Variants in CA10 observed in about 807,000 individuals in gnomAD.
The protein encoded by CA10 is carbonic anhydrase-related protein 10.
CA10 carries 14 observed loss-of-function variants against 44.2 expected under a neutral mutation model. That is an observed-to-expected ratio of 0.32 (90% CI 0.21 to 0.50). CA10 has a LOEUF of 0.50. Ranked by LOEUF, CA10 falls within the 20% of genes least tolerant of loss-of-function variation. CA10 has a pLI of 0.99. For synonymous variants in CA10, 159 were observed against 141.6 expected (o/e 1.12, Z -0.87); for missense variants, 350 against 409.7 (o/e 0.85, Z 1.26).
At chr17:52,096,124 G>A (rs1988394610) in intron 1 of CA10, among the ~76,000 whole-genome samples, 1 of 152,116 alleles carries the variant, frequency 6.6e-6, no homozygotes, top group Admixed American at 6.6e-5. Flanking sequence ...GAGCTAGAAA[G>A]CATGGGTACT....
chr17:51,929,724 A>C (rs1156488861), intron 3 of CA10, among the ~76,000 whole-genome samples: 2 of 152,218 alleles, frequency 1.3e-5, no homozygotes, highest in African/African-American at 4.8e-5. Context: ...TTAAAGAGAA[A>C]TGTACTTAGA....
intron 1 of CA10, among the ~76,000 whole-genome samples, chr17:52,086,919 T>C (rs777050883): frequency 6.6e-6 from 1 of 152,236 alleles, no homozygotes; most frequent in Non-Finnish European, 1.5e-5. Flanking sequence ...TTTAGGTTTC[T>C]ACCAGATTAT....
chr17:52,098,492 C>T (rs1031356646), intron 1 of CA10, among the ~76,000 whole-genome samples: 6 of 152,138 alleles, frequency 3.9e-5, no homozygotes, highest in Admixed American at 3.9e-4. Flanking sequence ...CAATAACGAC[C>T]CAGCCCAGTG....
intron 2 of CA10, among the ~76,000 whole-genome samples, chr17:52,058,171 C>T (rs545601853): frequency 3.3e-5 from 5 of 152,208 alleles, no homozygotes; most frequent in African/African-American, 7.2e-5. Flanking sequence ...AAGCCTTACA[C>T]GTGCCTCCCT....
At chr17:52,151,223 AT>A (rs566106241) in intron 1 of CA10, among the ~76,000 whole-genome samples, 230 of 152,210 alleles carry the variant, frequency 1.5e-3, no homozygotes, top group African/African-American at 5.0e-3. Context: ...GCCTAAGGTT[AT>A]TTTTGTAACC....
intron 4 of CA10, among the ~76,000 whole-genome samples, chr17:51,683,433 C>T (rs887460942): frequency 2.6e-5 from 4 of 152,090 alleles, no homozygotes; most frequent in Non-Finnish European, 2.9e-5. Flanking sequence ...TCACTTGCTC[C>T]GACTGCTTCC....
At chr17:52,062,222 C>T (rs573946779) in intron 2 of CA10, among the ~76,000 whole-genome samples, 2 of 152,138 alleles carry the variant, frequency 1.3e-5, no homozygotes, top group South Asian at 4.1e-4. Flanking sequence ...CACCCACCAC[C>T]ATCCCTGGCT....
chr17:51,974,605 AAGG>A (rs1374791922), intron 2 of CA10, among the ~76,000 whole-genome samples: 3 of 152,072 alleles, frequency 2.0e-5, no homozygotes, highest in African/African-American at 7.2e-5. Flanking sequence ...GAAATGCTAG[AAGG>A]AGAAGAGAGA....
chr17:51,788,050 T>G (rs904527201), intron 3 of CA10, among the ~76,000 whole-genome samples: 1 of 152,162 alleles, frequency 6.6e-6, no homozygotes, highest in African/African-American at 2.4e-5. Flanking sequence ...ATGGTTAGGT[T>G]GCTTATTTGA....
intron 2 of CA10, among the ~76,000 whole-genome samples, chr17:52,050,654 GCT>G (rs1987037804): frequency 6.6e-6 from 1 of 151,884 alleles, no homozygotes; most frequent in Non-Finnish European, 1.5e-5. Flanking sequence ...AACATGCCAA[GCT>G]CTTTCTCACT....
chr17:52,140,155 T>C (rs1183997212), intron 1 of CA10, among the ~76,000 whole-genome samples: 2 of 152,172 alleles, frequency 1.3e-5, no homozygotes, highest in Non-Finnish European at 2.9e-5. Context: ...CACATCTTAG[T>C]TGCGGTGGTG....
At chr17:51,741,244 A>G (rs1904450313) in intron 4 of CA10, among the ~76,000 whole-genome samples, 1 of 152,222 alleles carries the variant, frequency 6.6e-6, no homozygotes, top group African/African-American at 2.4e-5. Flanking sequence ...TTGTCCTTCC[A>G]GTGGCTCTTA....
chr17:51,861,750 T>C (rs560590349), intron 3 of CA10, among the ~76,000 whole-genome samples: 1 of 152,258 alleles, frequency 6.6e-6, no homozygotes, highest in South Asian at 2.1e-4. Context: ...AGGGACTTGA[T>C]TTACATAAAA....
intron 4 of CA10, among the ~76,000 whole-genome samples, chr17:51,707,954 G>A (rs574104304): frequency 2.0e-5 from 3 of 152,078 alleles, no homozygotes; most frequent in African/African-American, 4.8e-5. Flanking sequence ...ACACTGGAGT[G>A]GATAAGACAC....
At chr17:51,787,197 T>C (rs1906322823) in intron 3 of CA10, among the ~76,000 whole-genome samples, 1 of 152,222 alleles carries the variant, frequency 6.6e-6, no homozygotes, top group South Asian at 2.1e-4. Flanking sequence ...TAGAATGAAC[T>C]TGGAAGTATT....
intron 1 of CA10, among the ~76,000 whole-genome samples, chr17:52,077,900 G>T (rs960375835): frequency 6.6e-6 from 1 of 152,080 alleles, no homozygotes; most frequent in African/African-American, 2.4e-5. Context: ...AGTCAATAAA[G>T]ACCTGAACAA....
intron 2 of CA10, among the ~76,000 whole-genome samples, chr17:52,027,409 C>G (rs1890556643): frequency 6.6e-6 from 1 of 152,098 alleles, no homozygotes; most frequent in Non-Finnish European, 1.5e-5. Context: ...AAAGGAAATG[C>G]AACAGACTGG....
chr17:52,007,303 T>C (rs887838478), intron 2 of CA10, among the ~76,000 whole-genome samples: 4 of 151,696 alleles, frequency 2.6e-5, no homozygotes, highest in Non-Finnish European at 4.4e-5. Flanking sequence ...ATATCTTATA[T>C]CTTACTAAAT....
chr17:51,800,558 A>G (rs552484211), intron 3 of CA10, among the ~76,000 whole-genome samples: 6 of 152,338 alleles, frequency 3.9e-5, no homozygotes, highest in Non-Finnish European at 7.3e-5. Context: ...TACTCAGCAC[A>G]GTACCTTACA....
Sources: gnomAD v4.1 joint callset for allele counts (sites outside exome capture counted in the v4.1 genomes callset) on GRCh38, gnomAD v4.1.1 for gene constraint, MANE v1.5 for transcripts, NCBI Gene and HGNC (gene_info 2026-07-23, HGNC 2026-07-21) for gene names.